MOSPD2: variants seen among roughly 807,000 people sequenced by gnomAD.
MOSPD2 encodes the protein motile sperm domain containing 2, also known as motile sperm domain-containing protein 2.
MOSPD2 carries 5 observed loss-of-function variants against 41.7 expected under a neutral mutation model. The ratio of observed to expected loss-of-function variants is 0.12; its 90% CI spans 0.06 to 0.25. The LOEUF (loss-of-function observed/expected upper bound fraction) is 0.25, where lower values mean the gene tolerates loss of function less well. Ranked by LOEUF, MOSPD2 falls within the 10% of genes least tolerant of loss-of-function variation. MOSPD2 has a pLI of 1.00. For synonymous variants in MOSPD2, 115 were observed against 126.9 expected (o/e 0.91, Z 0.63); for missense variants, 282 against 375.2 (o/e 0.75, Z 2.05).
At chrX:14,886,512 T>TACACAC (rs752460527) in intron 2 of MOSPD2, among the ~76,000 whole-genome samples, 1 of 97,080 alleles carries the variant, frequency 1.0e-5, no homozygotes, top group Non-Finnish European at 2.1e-5. Context: ...TACACACACA[T>TACACAC]ACACACACAC....
intron 4 of MOSPD2, among the ~76,000 whole-genome samples, 198 bp downstream of exon 4, chrX:14,895,592 AGG>A (rs2092561664): frequency 8.9e-6 from 1 of 111,890 alleles, no homozygotes; most frequent in Non-Finnish European, 1.9e-5. Context: ...ATAATAAAGT[AGG>A]CAATAAAGGC....
rs759043633 is a variant in MOSPD2, at chrX:14,901,296, A to T, written c.538+661A>T. 5.5e-4 allele frequency among the ~76,000 whole-genome samples: 61 copies of T among 111,550 alleles called. No homozygotes were observed. The Middle Eastern group carries it at 0.019, about 34-fold the overall frequency. On this transcript the variant is annotated intron_variant, in intron 6 of 14. Transcript: ENST00000380492. ...AGCCGAGATGCCAACTCACATAAAC[A>T]GTCAAGTATATTTAACCCCAATGGT... is the stretch of plus-strand genomic sequence containing the variant.
intron 2 of MOSPD2, among the ~76,000 whole-genome samples, chrX:14,877,323 G>T (rs1228958833): frequency 8.9e-6 from 1 of 111,757 alleles, no homozygotes; most frequent in Non-Finnish European, 1.9e-5. Flanking sequence ...TGTCATAACA[G>T]TGGATACATT....
intron 7 of MOSPD2, among the ~76,000 whole-genome samples, chrX:14,907,856 T>G (rs1184179770): frequency 9.0e-6 from 1 of 111,669 alleles, no homozygotes; most frequent in Non-Finnish European, 1.9e-5. Context: ...GCATGTAAAT[T>G]ATATCTCAAT....
intron 6 of MOSPD2, among the ~76,000 whole-genome samples, chrX:14,900,967 A>C (rs186942347): frequency 8.9e-6 from 1 of 112,043 alleles, no homozygotes; most frequent in East Asian, 2.8e-4. Context: ...TTCAATTTAG[A>C]AATTCATTTC....
intron 7 of MOSPD2, 102 bp from the exon 8 acceptor site, chrX:14,908,758 A>G: frequency 3.9e-6 from 3 of 768,087 alleles, no homozygotes; most frequent in Non-Finnish European, 5.5e-6. Context: ...TTAACAGATT[A>G]TAGCCCAAAC....
rs1340728030 is a variant in MOSPD2, at chrX:14,916,425, TG to T, written c.1316+100del. ...GGTGGCCTCCCTTTCTTCTTGCATC[TG>T]CTGGGTGCCCTGCAAGGCTCTGGGG... On this transcript the variant is annotated intron_variant, in intron 13 of 14. Coordinates refer to ENST00000380492, the MANE Select transcript of MOSPD2 (RefSeq NM_152581.4). 7.0e-6 allele frequency: 8 copies of T among 1,140,779 alleles called. No homozygotes were observed. The African/African-American group carries it at 1.4e-4, about 21-fold the overall frequency. The allele number at this position is 1,140,779 out of a possible 1,213,427, so 94.0% of individuals were successfully genotyped here. A position where few individuals can be genotyped will look rare whatever the true frequency, so the allele number is the denominator to read the frequency against.
At chrX:14,883,376 C>A (rs1466520442) in intron 2 of MOSPD2, among the ~76,000 whole-genome samples, 2 of 111,582 alleles carry the variant, frequency 1.8e-5, no homozygotes, top group Non-Finnish European at 3.8e-5. Context: ...TACCCTCTAA[C>A]AAGAATTTTG....
chrX:14,895,692 A>T (rs915664381), intron 4 of MOSPD2, among the ~76,000 whole-genome samples: 3 of 112,013 alleles, frequency 2.7e-5, no homozygotes, highest in Non-Finnish European at 5.6e-5. Flanking sequence ...TGATATTAAA[A>T]CTCGTCTTAG....
At chrX:14,875,777 T>C (rs181732914) in intron 2 of MOSPD2, among the ~76,000 whole-genome samples, 1 of 112,111 alleles carries the variant, frequency 8.9e-6, no homozygotes, top group East Asian at 2.8e-4. Context: ...TTCTCTTCAG[T>C]GTTTAAATGT....
chrX:14,882,116 A>G (rs192757613), intron 2 of MOSPD2, among the ~76,000 whole-genome samples: 2 of 111,395 alleles, frequency 1.8e-5, no homozygotes, highest in Non-Finnish European at 3.8e-5. Context: ...AAAATGTGGT[A>G]TATATATACA....
At chrX:14,877,633 G>A (rs994041745) in intron 2 of MOSPD2, among the ~76,000 whole-genome samples, 95 of 103,654 alleles carry the variant, frequency 9.2e-4, no homozygotes, top group Non-Finnish European at 1.6e-3. Flanking sequence ...GAGCCACCAC[G>A]CCCGGCCTAC....
Position 14,873,555 on chromosome X carries a change from C to T in MOSPD2, c.9+18C>T. 2.5e-6 allele frequency: 3 copies of T among 1,211,772 alleles called. No individual in the cohort carries two copies. Among genetic ancestry groups the T allele is most frequent in the Non-Finnish European group, 3.4e-6 (3 of 895,349 alleles). On this transcript the variant is annotated intron_variant, in intron 1 of 14. Transcript: ENST00000380492. ...TGGCAGAGGTGAGGAGCCTATTGCA[C>T]CGCCGCTGGCCCCCCGGACCCGGAA...
intron 4 of MOSPD2, 43 bp downstream of exon 4, chrX:14,895,437 G>A (rs200736797): frequency 1.3e-6 from 1 of 756,973 alleles, no homozygotes; most frequent in East Asian, 3.2e-5. Flanking sequence ...AAGATTTTGA[G>A]ATTGAGATAT....
chrX:14,914,685 A>C (rs1434767049), intron 11 of MOSPD2, 86 bp downstream of exon 11: 1 of 556,263 alleles, frequency 1.8e-6, no homozygotes, highest in African/African-American at 2.4e-5. Flanking sequence ...AAAGATTGAA[A>C]ATTTTGAACT....
chrX:14,908,338 G>A (rs1386415572), intron 7 of MOSPD2, among the ~76,000 whole-genome samples: 1 of 111,677 alleles, frequency 9.0e-6, no homozygotes, highest in East Asian at 2.8e-4. Context: ...AAACTGCAAG[G>A]CCTGGGAGAG....
At chrX:14,884,905 C>T (rs1159423147) in intron 2 of MOSPD2, among the ~76,000 whole-genome samples, 1 of 110,688 alleles carries the variant, frequency 9.0e-6, no homozygotes, top group Non-Finnish European at 1.9e-5. Context: ...AAAAAACTAC[C>T]TAACCATATA....
chrX:14,921,298 C>T lies in MOSPD2; in HGVS notation c.*1489C>T. 4.3e-6 allele frequency: 4 copies of T among 933,265 alleles called. No homozygotes were observed. The highest frequency in any genetic ancestry group is 1.3e-6 in the Non-Finnish European group (1 of 753,181). The allele number at this position is 933,265 out of a possible 1,213,427, so 76.9% of individuals were successfully genotyped here. A position where few individuals can be genotyped will look rare whatever the true frequency, so the allele number is the denominator to read the frequency against. ...AGTTATGAAGAATGATATAACAGTT[C>T]CTTCAAAATTGGCCTAGGAAATAAA... On this transcript the variant is annotated 3_prime_UTR_variant, in exon 15 of 15. Coordinates refer to ENST00000380492, the MANE Select transcript of MOSPD2 (RefSeq NM_152581.4).
intron 2 of MOSPD2, among the ~76,000 whole-genome samples, chrX:14,886,510 CAT>C (rs2092541602): frequency 9.3e-6 from 1 of 107,643 alleles, no homozygotes; most frequent in South Asian, 4.0e-4. Flanking sequence ...CATACACACA[CAT>C]ACACACACAC....
Sources: gnomAD v4.1 joint callset for allele counts (sites outside exome capture counted in the v4.1 genomes callset) on GRCh38, gnomAD v4.1.1 for gene constraint, MANE v1.5 for transcripts, NCBI Gene and HGNC (gene_info 2026-07-23, HGNC 2026-07-21) for gene names.